The following JAM3 variants were observed in gnomAD, a reference collection of about 807,000 sequenced individuals.
The protein encoded by JAM3 is junctional adhesion molecule 3.
JAM3 carries 31 observed loss-of-function variants against 39.4 expected under a neutral mutation model. The ratio of observed to expected loss-of-function variants is 0.79; its 90% CI spans 0.59 to 1.06. The LOEUF (loss-of-function observed/expected upper bound fraction) is 1.06. Ranked by LOEUF, JAM3 falls within the 50% of genes least tolerant of loss-of-function variation. The pLI is 0.00. For missense variants in JAM3, 455 were observed against 391.4 expected (o/e 1.16, Z -1.37); for synonymous variants, 182 against 148.7 (o/e 1.22, Z -1.63).
chr11:134,140,485 T>C (rs990872500), intron 2 of JAM3, among the ~76,000 whole-genome samples, 172 bp from the exon 3 acceptor site: 1 of 152,212 alleles, frequency 6.6e-6, no homozygotes, highest in Non-Finnish European at 1.5e-5. Flanking sequence ...TAATTATCTT[T>C]ATTGTTTTTC....
intron 1 of JAM3, among the ~76,000 whole-genome samples, chr11:134,102,920 C>A (rs986531148): frequency 3.9e-5 from 6 of 152,146 alleles, no homozygotes; most frequent in Non-Finnish European, 7.3e-5. Flanking sequence ...AGAATGGAAC[C>A]AAGTTGGAAA....
intron 1 of JAM3, among the ~76,000 whole-genome samples, chr11:134,126,853 A>G (rs1942657525): frequency 6.6e-6 from 1 of 152,228 alleles, no homozygotes; most frequent in Admixed American, 6.5e-5. Flanking sequence ...GCTGTTTAAT[A>G]CCTAGTTCTG....
chr11:134,148,975 C>T (rs1292623113), intron 8 of JAM3, among the ~76,000 whole-genome samples, 157 bp downstream of exon 8: 1 of 151,800 alleles, frequency 6.6e-6, no homozygotes, highest in East Asian at 1.9e-4. Flanking sequence ...CACACACACA[C>T]ACACACACAC....
intron 1 of JAM3, chr11:134,124,172 T>C: frequency 6.8e-7 from 1 of 1,460,018 alleles, no homozygotes; most frequent in Non-Finnish European, 9.6e-7. Context: ...CAACTGGAGC[T>C]TTATCATACG....
intron 1 of JAM3, chr11:134,123,955 C>T (rs1306107520): frequency 6.7e-7 from 1 of 1,497,914 alleles, no homozygotes; most frequent in Non-Finnish European, 9.3e-7. Flanking sequence ...TGAACTGCAT[C>T]TTCGTACTTC....
At chr11:134,145,485 A>G in intron 5 of JAM3, 2 of 323,546 alleles carry the variant, frequency 6.2e-6, no homozygotes, top group South Asian at 5.7e-5. Flanking sequence ...AGGAGAGGAA[A>G]CAGATTGGTC....
chr11:134,085,224 C>T (rs1054569247), intron 1 of JAM3, among the ~76,000 whole-genome samples: 7 of 152,056 alleles, frequency 4.6e-5, no homozygotes, highest in Admixed American at 4.6e-4. Flanking sequence ...TTGAAATGCC[C>T]CCAGATTTAA....
chr11:134,096,522 C>G (rs1941987415), intron 1 of JAM3, among the ~76,000 whole-genome samples: 1 of 152,160 alleles, frequency 6.6e-6, no homozygotes, highest in African/African-American at 2.4e-5. Flanking sequence ...GTTATTTCCT[C>G]TATTTTAATT....
chr11:134,149,316 G>A lies in JAM3; in HGVS notation c.*135G>A. ...TCAGAAGCTTTTCGTTTTGGCCAAAGTTGACCACTACTCTTCTTACTCTAA... is the reference window on the plus strand; with the variant it reads ...TCAGAAGCTTTTCGTTTTGGCCAAAATTGACCACTACTCTTCTTACTCTAA... On this transcript the variant is annotated 3_prime_UTR_variant, in exon 9 of 9. Transcript: ENST00000299106. 2.1e-6 allele frequency: 2 copies of A among 954,560 alleles called. No individual in the cohort carries two copies. Among genetic ancestry groups the A allele is most frequent in the South Asian group, 1.4e-5 (1 of 72,428 alleles). The allele number at this position is 954,560 out of a possible 1,614,324, so 59.1% of individuals were successfully genotyped here.
intron 1 of JAM3, among the ~76,000 whole-genome samples, chr11:134,122,601 C>T (rs1316010813): frequency 1.3e-5 from 2 of 152,178 alleles, no homozygotes; most frequent in Non-Finnish European, 2.9e-5. Context: ...CACATACTCA[C>T]TAGGCATCAT....
intron 6 of JAM3, chr11:134,147,947 T>C (rs550763793): frequency 6.4e-6 from 1 of 155,078 alleles, no homozygotes; most frequent in African/African-American, 2.4e-5. Flanking sequence ...GAGCCCCATA[T>C]GAAAGTGACC....
At chr11:134,092,650 A>G (rs1941890706) in intron 1 of JAM3, among the ~76,000 whole-genome samples, 2 of 124,732 alleles carry the variant, frequency 1.6e-5, no homozygotes, top group Admixed American at 8.0e-5. Context: ...ATCATGTTCC[A>G]TCTTACATGT....
intron 1 of JAM3, among the ~76,000 whole-genome samples, chr11:134,107,515 G>A (rs1377978660): frequency 1.3e-5 from 2 of 151,996 alleles, no homozygotes; most frequent in African/African-American, 4.8e-5. Flanking sequence ...AAAGTGTTTT[G>A]AAGTGAATGA....
chr11:134,084,829 G>C (rs1018024413), intron 1 of JAM3, among the ~76,000 whole-genome samples: 1 of 152,236 alleles, frequency 6.6e-6, no homozygotes. Flanking sequence ...GGTCAGTTAA[G>C]ATGGTTCTCT....
At chr11:134,085,857 A>G (rs559598205) in intron 1 of JAM3, among the ~76,000 whole-genome samples, 1 of 152,206 alleles carries the variant, frequency 6.6e-6, no homozygotes, top group African/African-American at 2.4e-5. Flanking sequence ...TGGGTTTGGG[A>G]GTGGGGCAGG....
chr11:134,129,874 C>T lies in JAM3; in HGVS notation c.77-9977C>T, dbSNP rs180813740. Among the ~76,000 whole-genome samples, 1,207 of 152,100 alleles carry T rather than the reference C, an allele frequency of 7.9e-3. 10 individuals carry two copies. Among genetic ancestry groups the T allele is most frequent in the African/African-American group, 0.027 (1,137 of 41,496 alleles). The stretch of plus-strand genomic sequence containing the variant: ...AAAATTAGCCGGGCGTGGTGGCAGG[C>T]GCCTACAGTCCCAGCTACTCGGGAG... On this transcript the variant is annotated intron_variant, in intron 1 of 8. Coordinates refer to ENST00000299106, the MANE Select transcript of JAM3 (RefSeq NM_032801.5).
chr11:134,098,859 A>AGAGAAAGACCTTTGGGTTACACCAGTCTC (rs1942028341), intron 1 of JAM3, among the ~76,000 whole-genome samples: 1 of 152,036 alleles, frequency 6.6e-6, no homozygotes, highest in Non-Finnish European at 1.5e-5. Context: ...ACTCCAGCCT[A>AGAGAAAGACCTTTGGGTTACACCAGTCTC]GAGAAAGACC....
chr11:134,114,762 G>C (rs143344146), intron 1 of JAM3, among the ~76,000 whole-genome samples: 1 of 152,158 alleles, frequency 6.6e-6, no homozygotes, highest in South Asian at 2.1e-4. Flanking sequence ...TTTATGGCTC[G>C]GAATATGGTC....
At chr11:134,122,473 A>G (rs1485335129) in intron 1 of JAM3, among the ~76,000 whole-genome samples, 1 of 152,184 alleles carries the variant, frequency 6.6e-6, no homozygotes, top group East Asian at 1.9e-4. Flanking sequence ...GGATCAGTCC[A>G]CTAAACCCAG....
Sources: allele counts gnomAD v4.1 joint callset (sites outside exome capture counted in the v4.1 genomes callset), GRCh38; gene constraint gnomAD v4.1.1; transcripts MANE v1.5; gene names NCBI Gene and HGNC (gene_info 2026-07-23, HGNC 2026-07-21).